ATG7: variants seen among roughly 807,000 people sequenced by gnomAD.
ATG7 encodes ubiquitin-like modifier-activating enzyme ATG7.
ATG7 carries 70 observed loss-of-function variants against 82.4 expected under a neutral mutation model. The observed-to-expected ratio is 0.85, with a 90% CI of 0.70 to 1.04. The LOEUF is 1.04. ATG7 is among the 50% of genes least tolerant of loss of function. The pLI is 0.00. For missense variants in ATG7, 792 were observed against 864.3 expected (o/e 0.92, Z 1.05); for synonymous variants, 287 against 313.0 (o/e 0.92, Z 0.88).
chr3:11,357,678 G>A (rs1463480453), intron 14 of ATG7, among the ~76,000 whole-genome samples: 1 of 152,110 alleles, frequency 6.6e-6, no homozygotes, highest in Non-Finnish European at 1.5e-5. Context: ...AGAAGGGAGG[G>A]CAATTTGGAA....
intron 20 of ATG7, among the ~76,000 whole-genome samples, chr3:11,465,740 G>A (rs961036033): frequency 1.3e-5 from 2 of 152,008 alleles, no homozygotes; most frequent in African/African-American, 4.8e-5. Context: ...ACACCAACCT[G>A]GGCGACAGCG....
intron 20 of ATG7, among the ~76,000 whole-genome samples, chr3:11,533,488 A>C (rs1167129658): frequency 6.8e-6 from 1 of 146,640 alleles, no homozygotes; most frequent in African/African-American, 2.5e-5. Context: ...ATGAACTTTG[A>C]TTTGTCTTCT....
chr3:11,411,024 T>G (rs1198396242), intron 19 of ATG7, among the ~76,000 whole-genome samples: 1 of 152,218 alleles, frequency 6.6e-6, no homozygotes, highest in Non-Finnish European at 1.5e-5. Context: ...CCATGCTATT[T>G]TTTATGGTGG....
chr3:11,317,306 A>G (rs1949556758), intron 9 of ATG7, among the ~76,000 whole-genome samples: 1 of 152,204 alleles, frequency 6.6e-6, no homozygotes, highest in African/African-American at 2.4e-5. Flanking sequence ...GGCAGGATTA[A>G]ATGGCCTGTG....
intron 20 of ATG7, among the ~76,000 whole-genome samples, chr3:11,476,810 T>C (rs2088298057): frequency 6.6e-6 from 1 of 152,246 alleles, no homozygotes; most frequent in Admixed American, 6.5e-5. Flanking sequence ...AGAACATTTA[T>C]GTTAACTTTC....
In ATG7 at chr3:11,400,658, A is replaced by G. The variant is rs1447437899; in HGVS notation, c.1956+20606A>G. On this transcript the variant is annotated intron_variant, in intron 19 of 20. Coordinates refer to ENST00000693202, the MANE Select transcript of ATG7 (RefSeq NM_001349232.2). ...GTCAAACCAAACCTGTACCTGGGAT[A>G]TGTCCAGTTAGTTTATGAGAATAAC... is the stretch of plus-strand genomic sequence containing the variant. 2.6e-5 allele frequency among the ~76,000 whole-genome samples: 4 copies of G among 152,274 alleles called. No homozygotes were observed. The East Asian group carries it at 5.8e-4, about 22-fold the overall frequency.
intron 18 of ATG7, among the ~76,000 whole-genome samples, chr3:11,377,373 G>A (rs893345083): frequency 6.6e-6 from 1 of 152,142 alleles, no homozygotes; most frequent in Admixed American, 6.5e-5. Context: ...GCTGAACGGT[G>A]GTGTGTGGAC....
chr3:11,383,238 A>G (rs532181924), intron 19 of ATG7, among the ~76,000 whole-genome samples: 1 of 152,254 alleles, frequency 6.6e-6, no homozygotes, highest in African/African-American at 2.4e-5. Flanking sequence ...GCTCCCTTCA[A>G]TCTGGAAAAG....
At chr3:11,418,914 C>A (rs73017684) in intron 19 of ATG7, among the ~76,000 whole-genome samples, 4,841 of 152,246 alleles carry the variant, frequency 0.032, 113 homozygotes, top group Non-Finnish European at 0.05. Flanking sequence ...ACTTTTAAAT[C>A]ATCAGATCTC....
intron 20 of ATG7, among the ~76,000 whole-genome samples, chr3:11,476,309 A>G (rs574613682): frequency 6.6e-6 from 1 of 152,326 alleles, no homozygotes; most frequent in South Asian, 2.1e-4. Flanking sequence ...TTTGTAGAAA[A>G]TGGGCACAAT....
chr3:11,351,489 T>C (rs1264302378), intron 14 of ATG7, among the ~76,000 whole-genome samples: 7 of 152,186 alleles, frequency 4.6e-5, no homozygotes, highest in African/African-American at 1.4e-4. Flanking sequence ...GGCTGCAACA[T>C]AGAGGTCAAA....
At chr3:11,275,491 G>A (rs1941551551) in intron 1 of ATG7, among the ~76,000 whole-genome samples, 1 of 150,470 alleles carries the variant, frequency 6.6e-6, no homozygotes. Context: ...TGGGACTACA[G>A]GTGCCCACCA....
chr3:11,445,039 A>G (rs1057163949), intron 20 of ATG7, among the ~76,000 whole-genome samples: 5 of 152,216 alleles, frequency 3.3e-5, no homozygotes, highest in African/African-American at 1.2e-4. Flanking sequence ...GGCTATTATG[A>G]AAAAGTCAAA....
intron 20 of ATG7, among the ~76,000 whole-genome samples, chr3:11,452,019 G>C (rs1394396139): frequency 1.4e-5 from 1 of 71,664 alleles, no homozygotes; most frequent in Non-Finnish European, 2.4e-5. Context: ...GGGACTTGGG[G>C]GGTTGGGGGG....
chr3:11,400,384 GA>G (rs11326568), intron 19 of ATG7, among the ~76,000 whole-genome samples: 41,424 of 152,062 alleles, frequency 0.27, 6,071 homozygotes, highest in South Asian at 0.41. Flanking sequence ...AATGAGCAGA[GA>G]AGGACTAGCT....
At chr3:11,381,345 C>G (rs1219394671) in intron 19 of ATG7, among the ~76,000 whole-genome samples, 2 of 152,016 alleles carry the variant, frequency 1.3e-5, no homozygotes, top group African/African-American at 2.4e-5. Context: ...CTCAAAATAA[C>G]TTGGCAGTAT....
At chr3:11,560,600 G>C (rs113045407), downstream of ATG7, among the ~76,000 whole-genome samples, 23 of 152,240 alleles carry the variant, frequency 1.5e-4, no homozygotes, top group Admixed American at 1.4e-3. Context: ...GTGGATTCTA[G>C]GATGAAAATG....
Position 11,313,353 on chromosome 3 carries a change from G to A in ATG7, c.461G>A (p.Cys154Tyr), listed in dbSNP as rs1284653043. Residue 154 changes from cysteine (C) to tyrosine (Y), a missense_variant, in exon 8 of 21, where the codon TGT (cysteine) becomes TAT (tyrosine). Coordinates refer to ENST00000693202, the MANE Select transcript of ATG7 (RefSeq NM_001349232.2). ...FYYWFCYPALCLPESLPLIQG... is the reference protein window; with the variant it reads ...FYYWFCYPALYLPESLPLIQG... ...TATTGGTTTTGCTATCCTGCCCTCT[G>A]TCTTCCAGAGAGTTTACCTCTCATT... 6.2e-6 allele frequency: 10 copies of A among 1,612,836 alleles called. No homozygotes were observed. Among genetic ancestry groups the A allele is most frequent in the African/African-American group, 1.3e-5 (1 of 74,872 alleles).
chr3:11,528,623 T>G (rs2092632611), intron 20 of ATG7, among the ~76,000 whole-genome samples: 2 of 151,830 alleles, frequency 1.3e-5, no homozygotes, highest in Non-Finnish European at 2.9e-5. Flanking sequence ...GTCAGGAGTT[T>G]GAGACCAGCC....
Sources: allele counts gnomAD v4.1 joint callset (sites outside exome capture counted in the v4.1 genomes callset), GRCh38; gene constraint gnomAD v4.1.1; transcripts MANE v1.5; gene names NCBI Gene and HGNC (gene_info 2026-07-23, HGNC 2026-07-21).